Variants in DNMT3A observed in about 807,000 individuals in gnomAD.
DNMT3A encodes the protein DNA methyltransferase 3 alpha, also known as DNA (cytosine-5)-methyltransferase 3A.
A neutral mutation model predicts 117.6 loss-of-function variants in DNMT3A; 267 were observed. That is an observed-to-expected ratio of 2.27 (90% CI 2.05 to 2.51). DNMT3A has a LOEUF of 2.51. DNMT3A is among the 30% of genes most tolerant of loss of function. The probability of loss-of-function intolerance (pLI) is 0.00; values close to 1 mark genes in which losing one functional copy is unlikely to be tolerated. For synonymous variants in DNMT3A, 432 were observed against 474.8 expected, an observed-to-expected ratio of 0.91 and a Z score of 1.17; for missense variants, 1,029 against 1,260.2, an observed-to-expected ratio of 0.82 and a Z score of 2.78.
chr2:25,239,348 G>A, intron 19 of DNMT3A, 133 bp from the exon 20 acceptor site: 1 of 748,284 alleles, frequency 1.3e-6, no homozygotes, highest in Non-Finnish European at 2.4e-6. Flanking sequence ...GGGCTAGCCT[G>A]CAGCCTCCAG....
At chr2:25,329,054 C>T (rs1011868884) in intron 1 of DNMT3A, among the ~76,000 whole-genome samples, 2 of 152,186 alleles carry the variant, frequency 1.3e-5, no homozygotes, top group African/African-American at 2.4e-5. Flanking sequence ...TGTTGGAGCT[C>T]GTCCCCCACC....
At chr2:25,319,914 C>A (rs1284583236) in intron 1 of DNMT3A, among the ~76,000 whole-genome samples, 1 of 152,078 alleles carries the variant, frequency 6.6e-6, no homozygotes, top group African/African-American at 2.4e-5. Context: ...GGATTACAGG[C>A]ACCCGCCGCC....
intron 1 of DNMT3A, among the ~76,000 whole-genome samples, chr2:25,333,074 G>A (rs1398291651): frequency 6.6e-6 from 1 of 152,202 alleles, no homozygotes; most frequent in Non-Finnish European, 1.5e-5. Flanking sequence ...GCAAATCCTG[G>A]CTTCACAGGA....
rs1287436463 is a variant in DNMT3A, at chr2:25,284,645, T to TGAAAA, written c.178-1935_178-1934insTTTTC. ...CTGGGCAACAGAGTGAGACTCCATCTAAAAAAAAAAAAAAAAAAAAAAAAA... is the reference window on the plus strand; with the variant it reads ...CTGGGCAACAGAGTGAGACTCCATCTGAAAAAAAAAAAAAAAAAAAAAAAAAAAAA... On this transcript the variant is annotated intron_variant, in intron 3 of 22. Transcript: ENST00000321117. 7.6e-3 allele frequency among the ~76,000 whole-genome samples: 127 copies of TGAAAA among 16,642 alleles called. 1 individual carries two copies. The highest frequency in any genetic ancestry group is 0.011 in the Non-Finnish European group (115 of 10,356). The allele number at this position is 16,642 out of a possible 152,430, so 10.9% of individuals were successfully genotyped here.
chr2:25,305,188 C>T lies in DNMT3A; in HGVS notation c.73-4945G>A, dbSNP rs573361278. Among the ~76,000 whole-genome samples the T allele has an allele frequency of 4.6e-5, 7 of 152,342 alleles. No individual in the cohort carries two copies. The highest frequency in any genetic ancestry group is 7.2e-5 in the African/African-American group (3 of 41,584). On this transcript the variant is annotated intron_variant, in intron 2 of 22. Transcript: ENST00000321117. This position sits in a 1 kb window ranked among gnomAD's most constrained non-coding sequence, Gnocchi z 4.1. ...GGTTCCAGTGCCTCTCGGATCTTTA[C>T]GATTCCAGATTAGGAAACAAGAGGA...
chr2:25,292,592 G>A (rs1031114748), intron 3 of DNMT3A, among the ~76,000 whole-genome samples: 2 of 152,170 alleles, frequency 1.3e-5, no homozygotes, highest in Non-Finnish European at 2.9e-5. Context: ...TCAGCCCGCC[G>A]CACCCGACAT....
rs533913725 is a variant in DNMT3A at position 25,313,304 on chromosome 2, C to T, written c.72+609G>A. 4.6e-5 allele frequency among the ~76,000 whole-genome samples: 7 copies of T among 150,912 alleles called. No individual in the cohort carries two copies. In the South Asian group the frequency reaches 1.5e-3, roughly 32 times the overall value. ...CTGAAAACATGGAGGTCACCAGCTC[C>T]GTGGCCAAAAGCCATACCAAAGATA... On this transcript the variant is annotated intron_variant, in intron 2 of 22. Coordinates refer to ENST00000321117, the MANE Select transcript of DNMT3A (RefSeq NM_022552.5).
In DNMT3A at chr2:25,300,666, TATTTAGA is replaced by T. The variant is rs1308408279; in HGVS notation, c.73-430_73-424del. 1.3e-3 allele frequency among the ~76,000 whole-genome samples: 90 copies of T among 70,230 alleles called. 3 individuals carry two copies. The highest frequency in any genetic ancestry group is 5.1e-3 in the African/African-American group (83 of 16,296). The allele number at this position is 70,230 out of a possible 152,430, so 46.1% of individuals were successfully genotyped here. A position where few individuals can be genotyped will look rare whatever the true frequency, so the allele number is the denominator to read the frequency against. On this transcript the variant is annotated intron_variant, in intron 2 of 22. Transcript: ENST00000321117. ...TTATTTAGATATCTAAATAATATATTATTTAGATATATATTTAGATATATATTTATAT... is the reference window on the plus strand; with the variant it reads ...TTATTTAGATATCTAAATAATATATTTATATATTTAGATATATATTTATAT...
rs1239593844 is a variant in DNMT3A at position 25,252,561 on chromosome 2, C to G, written c.640-4309G>C. On this transcript the variant is annotated intron_variant, in intron 6 of 22. Coordinates refer to ENST00000321117, the MANE Select transcript of DNMT3A (RefSeq NM_022552.5). The surrounding 1 kb of genome is among the most constrained non-coding windows in gnomAD (Gnocchi z 5.5). ...GCCCAGGCCGGGCTGCAGGGAGCGC[C>G]CCGCCTTCGGGAAGACCGCCTGGCC... Among the ~76,000 whole-genome samples the G allele has an allele frequency of 1.3e-5, 2 of 151,512 alleles. No homozygotes were observed. The highest frequency in any genetic ancestry group is 3.0e-5 in the Non-Finnish European group (2 of 67,790).
intron 4 of DNMT3A, among the ~76,000 whole-genome samples, chr2:25,276,843 C>A (rs927488847): frequency 2.0e-5 from 3 of 152,248 alleles, no homozygotes; most frequent in Admixed American, 2.0e-4. Flanking sequence ...ACGGAAAAAA[C>A]AGCCCCGACT....
intron 2 of DNMT3A, among the ~76,000 whole-genome samples, chr2:25,309,712 T>C (rs1480553134): frequency 6.6e-6 from 1 of 152,204 alleles, no homozygotes; most frequent in Non-Finnish European, 1.5e-5. Context: ...CTTAATAAGA[T>C]AGAATGATGA....
rs1340822377 is a variant in DNMT3A, at chr2:25,240,415, G to A, written c.2209C>T (p.Leu737Phe). The A allele has an allele frequency of 6.2e-7, 1 of 1,613,232 alleles. No individual in the cohort carries two copies. Among genetic ancestry groups the A allele is most frequent in the Non-Finnish European group, 8.5e-7 (1 of 1,179,600 alleles). Residue 737 changes from leucine to phenylalanine, a missense_variant, in exon 19 of 23, where the codon CTC (leucine) becomes TTC (phenylalanine). Leu to Phe is a conservative substitution (Grantham distance 22). Coordinates refer to ENST00000321117, the MANE Select transcript of DNMT3A (RefSeq NM_022552.5). ...TGRLFFEFYR[L>F]LHDARPKEGD... is the part of the protein sequence containing the mutation. ...TCCTTGGGCCGCGCATCATGCAGGA[G>A]GCGGTAGAACTCAAAGAAGAGCCGG... is the stretch of plus-strand genomic sequence containing the variant.
intron 1 of DNMT3A, among the ~76,000 whole-genome samples, chr2:25,326,108 ATGTGTGTGTGTGTGTG>A (rs61521265): frequency 2.3e-4 from 33 of 142,364 alleles, no homozygotes; most frequent in African/African-American, 4.5e-4. Flanking sequence ...CTTGATATAT[ATGTGTGTGTGTGTGTG>A]TGTGTGTGTG....
chr2:25,289,814 G>A (rs191581244), intron 3 of DNMT3A, among the ~76,000 whole-genome samples: 21 of 152,302 alleles, frequency 1.4e-4, no homozygotes, highest in African/African-American at 4.8e-4. Flanking sequence ...CTGCCCAGCC[G>A]GAACCAATTC....
chr2:25,321,173 A>T (rs1421413039), intron 1 of DNMT3A, among the ~76,000 whole-genome samples: 1 of 138,654 alleles, frequency 7.2e-6, no homozygotes. Flanking sequence ...AGTCAGTAGT[A>T]AAAAAAAAAA....
rs774128516 is a variant in DNMT3A, at chr2:25,247,677, T to A, written c.928A>T (p.Ile310Phe). 1.9e-6 allele frequency: 3 copies of A among 1,612,480 alleles called. No individual in the cohort carries two copies. The highest frequency in any genetic ancestry group is 2.5e-6 in the Non-Finnish European group (3 of 1,179,630). Residue 310 changes from isoleucine to phenylalanine, a missense_variant, in exon 8 of 23, where the codon ATT (isoleucine) becomes TTT (phenylalanine). Physicochemically the swap from Ile to Phe is conservative, Grantham distance 21. Transcript: ENST00000321117. This position sits in a 1 kb window ranked among gnomAD's most constrained non-coding sequence, Gnocchi z 5.6. Reference protein sequence around the residue: ...LRGFSWWPGRIVSWWMTGRSR... With the variant: ...LRGFSWWPGRFVSWWMTGRSR... ...CGGCCCGTCATCCACCAAGACACAATGCGGCCTGGCCACCAGGAGAAGCCC... is the reference window on the plus strand; with the variant it reads ...CGGCCCGTCATCCACCAAGACACAAAGCGGCCTGGCCACCAGGAGAAGCCC...
intron 1 of DNMT3A, among the ~76,000 whole-genome samples, chr2:25,320,451 G>A (rs1310158695): frequency 6.6e-6 from 1 of 152,126 alleles, no homozygotes; most frequent in African/African-American, 2.4e-5. Flanking sequence ...ATGTATGCAT[G>A]TATTGAAACA....
At chr2:25,253,282 C>T (rs995573482) in intron 6 of DNMT3A, among the ~76,000 whole-genome samples, 1 of 152,192 alleles carries the variant, frequency 6.6e-6, no homozygotes, top group African/African-American at 2.4e-5. Context: ...AAGAAATAGA[C>T]CCTGTTGGCT....
intron 1 of DNMT3A, among the ~76,000 whole-genome samples, chr2:25,326,223 A>G (rs529521686): frequency 1.1e-4 from 16 of 151,042 alleles, no homozygotes; most frequent in African/African-American, 3.9e-4. Context: ...CAAGTTGTTG[A>G]CAGTTAGCTT....
Sources: gnomAD v4.1 joint callset for allele counts (sites outside exome capture counted in the v4.1 genomes callset) on GRCh38, gnomAD v4.1.1 for gene constraint, Gnocchi (gnomAD v3.1) non-coding constraint, MANE v1.5 for transcripts, NCBI Gene and HGNC (gene_info 2026-07-23, HGNC 2026-07-21) for gene names.